The following CCDC187 variants were observed in gnomAD, a reference collection of about 807,000 sequenced individuals.
The protein encoded by CCDC187 is coiled-coil domain-containing protein 187.
CCDC187 carries 32 observed loss-of-function variants against 38.0 expected under a neutral mutation model. The observed-to-expected ratio is 0.84, with a 90% CI of 0.64 to 1.13. CCDC187 has a LOEUF of 1.13. Among genes scored for constraint, CCDC187 ranks in the 50% most tolerant of loss-of-function variants. The pLI is 0.00. For missense variants in CCDC187, 707 were observed against 786.8 expected (o/e 0.90, Z 1.21); for synonymous variants, 333 against 347.9 (o/e 0.96, Z 0.48).
intron 7 of CCDC187, 48 bp downstream of exon 7, chr9:136,289,911 C>CT (rs1364789255): frequency 7.7e-6 from 3 of 391,612 alleles, no homozygotes; most frequent in Admixed American, 4.4e-5. Context: ...TCTTGGCCCC[C>CT]CCCAAGGCCC....
chr9:136,300,445 A>G, intron 2 of CCDC187, 127 bp from the exon 3 acceptor site: 1 of 385,010 alleles, frequency 2.6e-6, no homozygotes, highest in Non-Finnish European at 4.6e-6. Flanking sequence ...ACAGGGTCTC[A>G]CTCTGTCACC....
At chr9:136,293,459 TCA>T (rs1450822580) in intron 4 of CCDC187, among the ~76,000 whole-genome samples, 7 of 40,140 alleles carry the variant, frequency 1.7e-4, no homozygotes, top group South Asian at 1.5e-3. Flanking sequence ...ATGCTCACAC[TCA>T]CACTCACATG....
chr9:136,258,386 G>A lies in CCDC187; in HGVS notation c.4366+546C>T, dbSNP rs569450816. ...CACTGGGTGGGGGCCTTCTGAATTCGGCACCCAGGGCTGGTCAGGGAGCTC... is the reference window on the plus strand; with the variant it reads ...CACTGGGTGGGGGCCTTCTGAATTCAGCACCCAGGGCTGGTCAGGGAGCTC... On this transcript the variant is annotated intron_variant, in intron 22 of 25. Coordinates refer to ENST00000638797, the MANE Select transcript of CCDC187 (RefSeq NM_001378188.1). The surrounding 1 kb of genome is among the most constrained non-coding windows in gnomAD (Gnocchi z 4.3). Among the ~76,000 whole-genome samples, 2 of 152,134 alleles carry A rather than the reference G, an allele frequency of 1.3e-5. No homozygotes were observed. The highest frequency in any genetic ancestry group is 2.4e-5 in the African/African-American group (1 of 41,518).
At position 136,263,671 on chromosome 9, in the gene CCDC187, G is replaced by A. The variant is rs980294822; in HGVS notation, c.3863C>T (p.Thr1288Met). 1.7e-5 allele frequency: 17 copies of A among 985,334 alleles called. No individual in the cohort carries two copies. The highest frequency in any genetic ancestry group is 6.0e-6 in the Non-Finnish European group (5 of 829,942). 61.0% of individuals were successfully genotyped at this position (985,334 alleles called of 1,614,324 possible). Reference sequence around the variant, plus strand: ...CAGCTCGTGCGCTGGGACGACGTCCGTGGGCCCCGGGATGGGGAGGATGTC... The same window carrying A: ...CAGCTCGTGCGCTGGGACGACGTCCATGGGCCCCGGGATGGGGAGGATGTC... ...PVDILPIPGP[T>M]DVVPAHELQA... The change falls in exon 18 of 26, where the codon ACG becomes ATG. Residue 1288 changes from threonine to methionine, a missense_variant. Thr to Met is a moderately conservative substitution (Grantham distance 81). Transcript: ENST00000638797.
intron 4 of CCDC187, among the ~76,000 whole-genome samples, chr9:136,293,261 A>C (rs1211984173): frequency 6.7e-6 from 1 of 148,458 alleles, no homozygotes; most frequent in African/African-American, 2.5e-5. Flanking sequence ...TTACACACTC[A>C]CTCATGCTTT....
chr9:136,293,882 ACGCT>A (rs1831453590), intron 4 of CCDC187, among the ~76,000 whole-genome samples: 1 of 151,840 alleles, frequency 6.6e-6, no homozygotes, highest in Non-Finnish European at 1.5e-5. Flanking sequence ...TCTGACTCAC[ACGCT>A]CACACACAAC....
At position 136,285,244 on chromosome 9, in the gene CCDC187, G is replaced by A. The variant is rs983388141; in HGVS notation, c.2927+269C>T. ...GGCAAGAGGGAGCTGCACCAGTGGCGTCCCCGAGGCCCGCAGCCAGTTCAG... is the reference window on the plus strand; with the variant it reads ...GGCAAGAGGGAGCTGCACCAGTGGCATCCCCGAGGCCCGCAGCCAGTTCAG... On this transcript the variant is annotated intron_variant, in intron 9 of 25. Transcript: ENST00000638797. 3.7e-4 allele frequency among the ~76,000 whole-genome samples: 56 copies of A among 152,244 alleles called. 1 individual carries two copies. In the East Asian group the frequency reaches 6.4e-3, roughly 17 times the overall value.
Position 136,268,197 on chromosome 9 carries a change from G to A in CCDC187, c.3443-72C>T, listed in dbSNP as rs370780813. ...CCCCGTGTCAGGGGCCATTTCTACC[G>A]GAGGGCCTCATAAAAGTAGGAGGTC... On this transcript the variant is annotated intron_variant, in intron 14 of 25. Coordinates refer to ENST00000638797, the MANE Select transcript of CCDC187 (RefSeq NM_001378188.1). 2.4e-5 allele frequency: 22 copies of A among 929,390 alleles called. No homozygotes were observed. In the East Asian group the frequency reaches 7.0e-4, roughly 30 times the overall value. 57.6% of individuals were successfully genotyped at this position (929,390 alleles called of 1,614,324 possible).
chr9:136,300,444 C>T (rs1831650216), intron 2 of CCDC187, 126 bp from the exon 3 acceptor site: 1 of 385,210 alleles, frequency 2.6e-6, no homozygotes, highest in African/African-American at 2.1e-5. Context: ...GACAGGGTCT[C>T]ACTCTGTCAC....
At chr9:136,294,036 T>A in intron 4 of CCDC187, among the ~76,000 whole-genome samples, 1 of 130,778 alleles carries the variant, frequency 7.6e-6, no homozygotes, top group Non-Finnish European at 1.6e-5. Context: ...ACACACACAC[T>A]CATATACACA....
chr9:136,277,904 G>A (rs1462964915), intron 10 of CCDC187, among the ~76,000 whole-genome samples: 3 of 152,268 alleles, frequency 2.0e-5, no homozygotes, highest in African/African-American at 4.8e-5. Flanking sequence ...TGGACTGCTC[G>A]CCTTCCCGGA....
chr9:136,257,146 G>A lies in CCDC187; in HGVS notation c.4367-305C>T, dbSNP rs1184424416. On this transcript the variant is annotated intron_variant, in intron 22 of 25. Transcript: ENST00000638797. The surrounding 1 kb of genome is among the most constrained non-coding windows in gnomAD (Gnocchi z 4.5). ...TCCCAGCACTCTGGGAGGCCGAGGC[G>A]GGCGGATCACAAGGTCAGGAGTTCG... Among the ~76,000 whole-genome samples the A allele has an allele frequency of 1.3e-5, 2 of 152,160 alleles. No individual in the cohort carries two copies. Among genetic ancestry groups the A allele is most frequent in the East Asian group, 1.9e-4 (1 of 5,188 alleles).
chr9:136,293,457 A>ACACATGCTCACACC (rs1189603972), intron 4 of CCDC187, among the ~76,000 whole-genome samples: 1 of 38,594 alleles, frequency 2.6e-5, no homozygotes, highest in Non-Finnish European at 6.1e-5. Context: ...ACATGCTCAC[A>ACACATGCTCACACC]CTCACACTCA....
chr9:136,302,889 A>G lies in CCDC187; in HGVS notation c.548T>C (p.Leu183Pro). 1 of 398,564 alleles carries G rather than the reference A, an allele frequency of 2.5e-6. No homozygotes were observed. 24.7% of individuals were successfully genotyped at this position (398,564 alleles called of 1,614,324 possible). A position where few individuals can be genotyped will look rare whatever the true frequency, so the allele number is the denominator to read the frequency against. Residue 183 changes from leucine to proline, a missense_variant, in exon 2 of 26, where the codon CTC becomes CCC. By Grantham distance (98) the Leu-to-Pro change is moderately conservative (BLOSUM62 -3). Coordinates refer to ENST00000638797, the MANE Select transcript of CCDC187 (RefSeq NM_001378188.1). ...GTSAPSSASR[L>P]HKASTLMLRR... ...AAGCATCAGCGTGGAGGCTTTGTGG[A>G]GTCTGGAGGCGCTGGAGGGGGCTGA...
chr9:136,285,043 G>T (rs1295232054), intron 9 of CCDC187, among the ~76,000 whole-genome samples: 3 of 152,128 alleles, frequency 2.0e-5, no homozygotes, highest in Non-Finnish European at 4.4e-5. Context: ...CCGGGAAGGG[G>T]CTTCAGATGT....
chr9:136,283,180 C>T (rs943392876), intron 9 of CCDC187, among the ~76,000 whole-genome samples: 6 of 152,180 alleles, frequency 3.9e-5, no homozygotes, highest in Middle Eastern at 3.2e-3. Flanking sequence ...ACTTGGGAGG[C>T]GGAGGTTGCA....
Position 136,260,097 on chromosome 9 carries a change from G to A in CCDC187, c.4210+22C>T, listed in dbSNP as rs556933524. 25 of 985,394 alleles carry A rather than the reference G, an allele frequency of 2.5e-5. No individual in the cohort carries two copies. In the East Asian group the frequency reaches 1.0e-3, roughly 40 times the overall value. The allele number at this position is 985,394 out of a possible 1,614,324, so 61.0% of individuals were successfully genotyped here. On this transcript the variant is annotated intron_variant, in intron 20 of 25. Transcript: ENST00000638797. ...AATGAGCATCCGTCTGACCCTGGGC[G>A]GTCGCCGCGGCTGCTCATTACCTTG...
chr9:136,269,856 A>G (rs1433995486), intron 14 of CCDC187, among the ~76,000 whole-genome samples: 2 of 152,190 alleles, frequency 1.3e-5, no homozygotes, highest in African/African-American at 2.4e-5. Flanking sequence ...ACTCTATCGC[A>G]TATGTTAAGA....
intron 3 of CCDC187, among the ~76,000 whole-genome samples, chr9:136,299,946 A>G (rs1390355354): frequency 4.6e-5 from 7 of 151,380 alleles, no homozygotes; most frequent in African/African-American, 1.7e-4. Context: ...CTCAGCAAAA[A>G]CAAACAAACA....
Sources: allele counts gnomAD v4.1 joint callset (sites outside exome capture counted in the v4.1 genomes callset), GRCh38; gene constraint gnomAD v4.1.1; non-coding constraint Gnocchi (gnomAD v3.1); transcripts MANE v1.5; gene names NCBI Gene and HGNC (gene_info 2026-07-23, HGNC 2026-07-21).